The following DPF3 variants were observed in gnomAD, a reference collection of about 807,000 sequenced individuals.
DPF3 encodes zinc finger protein DPF3.
Under a neutral mutation model 56.8 loss-of-function variants are expected in DPF3, and 18 were observed. The ratio of observed to expected loss-of-function variants is 0.32; its 90% confidence interval spans 0.22 to 0.47. DPF3 has a LOEUF of 0.47. Among genes scored for constraint, DPF3 ranks in the 20% least tolerant of loss-of-function variants. The pLI, the probability that DPF3 is intolerant of heterozygous loss-of-function variation, is 1.00. For missense variants in DPF3, 403 were observed against 488.8 expected (o/e 0.82, Z 1.65); for synonymous variants, 188 against 180.2 (o/e 1.04, Z -0.35).
At chr14:72,725,141 T>C (rs7147626) in intron 4 of DPF3, among the ~76,000 whole-genome samples, 12,123 of 152,194 alleles carry the variant, frequency 0.08, 683 homozygotes, top group South Asian at 0.22. Context: ...TATCTAGTGC[T>C]GACTACGTGG....
Position 72,614,397 on chromosome 14 carries a change from A to G in DPF3, c.*4900T>C, listed in dbSNP as rs967897275. ...GGAGTAAGATTTCAAAACGGGCAAC[A>G]CACAGCAGGAAGAGGAGGAGCTCTG... On this transcript the variant is annotated 3_prime_UTR_variant, in exon 11 of 11. Transcript: ENST00000556509. 5.9e-5 allele frequency among the ~76,000 whole-genome samples: 9 copies of G among 152,214 alleles called. No individual in the cohort carries two copies. Among genetic ancestry groups the G allele is most frequent in the African/African-American group, 9.6e-5 (4 of 41,464 alleles).
At chr14:72,766,979 G>A (rs149362860) in intron 2 of DPF3, among the ~76,000 whole-genome samples, 213 of 152,312 alleles carry the variant, frequency 1.4e-3, no homozygotes, top group African/African-American at 5.0e-3. Context: ...TGTGGTATCA[G>A]TAGAGGCCCT....
intron 1 of DPF3, among the ~76,000 whole-genome samples, chr14:72,828,428 TTTGGGAGG>T (rs1302135758): frequency 6.7e-6 from 1 of 149,458 alleles, no homozygotes; most frequent in Non-Finnish European, 1.5e-5. Flanking sequence ...ATCTCAACAC[TTTGGGAGG>T]CCAAGGCAAG....
At chr14:72,752,015 T>C (rs1215387244) in intron 3 of DPF3, among the ~76,000 whole-genome samples, 3 of 152,182 alleles carry the variant, frequency 2.0e-5, no homozygotes, top group Non-Finnish European at 4.4e-5. Flanking sequence ...AACTTCTATT[T>C]AAGTGAAATA....
rs1883681297 is a variant in DPF3, at chr14:72,610,853, G to A, written c.*8444C>T. 6.6e-6 allele frequency among the ~76,000 whole-genome samples: 1 copy of A among 152,338 alleles called. No homozygotes were observed. The highest frequency in any genetic ancestry group is 6.5e-5 in the Admixed American group (1 of 15,304). ...AAGTGCTGCCAGTCTGGTGTGGAAA[G>A]GGTCCAAGTCAGAGGCCTTTGCCTC... On this transcript the variant is annotated 3_prime_UTR_variant, in exon 11 of 11. Coordinates refer to ENST00000556509, the MANE Select transcript of DPF3 (RefSeq NM_001280542.3).
At position 72,758,270 on chromosome 14, in the gene DPF3, C is replaced by A. The variant is rs181224444; in HGVS notation, c.194-4899G>T. Reference sequence around the variant, plus strand: ...CAACAGTTTTGAAGACAATGAACATCAGGCATTGAAGGACAGTGATCCCTG... The same window carrying A: ...CAACAGTTTTGAAGACAATGAACATAAGGCATTGAAGGACAGTGATCCCTG... On this transcript the variant is annotated intron_variant, in intron 2 of 10. Transcript: ENST00000556509. 2.0e-3 allele frequency among the ~76,000 whole-genome samples: 307 copies of A among 152,232 alleles called. 2 individuals are homozygous for A. Among genetic ancestry groups the A allele is most frequent in the Non-Finnish European group, 3.7e-3 (250 of 68,006 alleles).
intron 1 of DPF3, among the ~76,000 whole-genome samples, chr14:72,857,125 C>T (rs1279155450): frequency 1.3e-5 from 2 of 152,180 alleles, no homozygotes; most frequent in African/African-American, 4.8e-5. Context: ...GCCCTTTGCT[C>T]AGAGTTTCTA....
At chr14:72,637,988 A>G (rs2153567583) in intron 8 of DPF3, among the ~76,000 whole-genome samples, 1 of 152,294 alleles carries the variant, frequency 6.6e-6, no homozygotes, top group East Asian at 1.9e-4. Flanking sequence ...ACCCACCGCC[A>G]TGCAATAAGT....
At position 72,879,052 on chromosome 14, in the gene DPF3, G is replaced by A. The variant is rs138500290; in HGVS notation, c.32+15005C>T. 5.1e-3 allele frequency among the ~76,000 whole-genome samples: 782 copies of A among 152,326 alleles called. 5 individuals are homozygous for A. Among genetic ancestry groups the A allele is most frequent in the African/African-American group, 0.018 (747 of 41,580 alleles). On this transcript the variant is annotated intron_variant, in intron 1 of 10. Coordinates refer to ENST00000556509, the MANE Select transcript of DPF3 (RefSeq NM_001280542.3). The stretch of plus-strand genomic sequence containing the variant: ...TCGCTCACTCAACTATTCCCCACAC[G>A]TTTCCTACGTGCCTGCTAGGCTAGG...
intron 7 of DPF3, among the ~76,000 whole-genome samples, chr14:72,692,080 G>GA (rs1887713888): frequency 6.6e-6 from 1 of 152,222 alleles, no homozygotes; most frequent in Non-Finnish European, 1.5e-5. Flanking sequence ...AATCTTTGGT[G>GA]AAAGTGGCCA....
chr14:72,838,906 T>TATATATATATATATATATATATA (rs375598670), intron 1 of DPF3, among the ~76,000 whole-genome samples: 891 of 86,488 alleles, frequency 0.01, 87 homozygotes, highest in Middle Eastern at 0.016. Flanking sequence ...ATCATATATA[T>TATATATATATATATATATATATA]TCTTTTTTTT....
At chr14:72,649,662 G>GGGGC (rs1885843183) in intron 8 of DPF3, among the ~76,000 whole-genome samples, 1 of 136,194 alleles carries the variant, frequency 7.3e-6, no homozygotes, top group African/African-American at 2.7e-5. Context: ...TCCCTGGGTG[G>GGGGC]GGGGGGGGAT....
In DPF3 at chr14:72,864,477, G is replaced by A. The variant is rs983379547; in HGVS notation, c.32+29580C>T. On this transcript the variant is annotated intron_variant, in intron 1 of 10. Transcript: ENST00000556509. ...CTGCCATATCCCCAGCACCTACAGT[G>A]CTTGGCACTTAGTGAGAGCTCAATA... Among the ~76,000 whole-genome samples the A allele has an allele frequency of 5.3e-5, 8 of 152,348 alleles. 1 individual carries two copies. The highest frequency in any genetic ancestry group is 1.2e-4 in the African/African-American group (5 of 41,578).
rs1245093941 is a variant in DPF3, at chr14:72,614,445, A to C, written c.*4852T>G. Among the ~76,000 whole-genome samples the C allele has an allele frequency of 6.6e-6, 1 of 152,126 alleles. No homozygotes were observed. Among genetic ancestry groups the C allele is most frequent in the Non-Finnish European group, 1.5e-5 (1 of 68,022 alleles). ...CTGTCCACTTTGCAGAGGGGAGAGG[A>C]GCAGGATGGCCAGTCCCCCTCTTCC... is the stretch of plus-strand genomic sequence containing the variant. On this transcript the variant is annotated 3_prime_UTR_variant, in exon 11 of 11. Transcript: ENST00000556509.
chr14:72,747,460 A>G (rs1456881252), intron 3 of DPF3, among the ~76,000 whole-genome samples: 1 of 151,910 alleles, frequency 6.6e-6, no homozygotes, highest in Non-Finnish European at 1.5e-5. Context: ...CAGCCCCCTC[A>G]CTTACCCTAT....
intron 1 of DPF3, among the ~76,000 whole-genome samples, chr14:72,801,602 C>T (rs1332234383): frequency 6.6e-6 from 1 of 152,200 alleles, no homozygotes; most frequent in Admixed American, 6.5e-5. Context: ...GAAGTCATCA[C>T]AAAGTTCTGA....
chr14:72,751,617 G>T (rs1361485047), intron 3 of DPF3, among the ~76,000 whole-genome samples: 1 of 152,080 alleles, frequency 6.6e-6, no homozygotes, highest in East Asian at 1.9e-4. Flanking sequence ...AGAGATGTGG[G>T]GATGTGTAAA....
chr14:72,632,755 GGAGGGGAAGGGGAGAGAA>G (rs1256168833), intron 8 of DPF3, among the ~76,000 whole-genome samples: 1 of 140,174 alleles, frequency 7.1e-6, no homozygotes, highest in African/African-American at 2.7e-5. Context: ...AAGGATGGAG[GGAGGGGAAGGGGAGAGAA>G]GAGGGGAAGG....
Position 72,869,899 on chromosome 14 carries a change from G to C in DPF3, c.32+24158C>G, listed in dbSNP as rs957141431. Among the ~76,000 whole-genome samples the C allele has an allele frequency of 2.6e-5, 4 of 152,062 alleles. No individual in the cohort carries two copies. The South Asian group carries it at 6.2e-4, about 24-fold the overall frequency. On this transcript the variant is annotated intron_variant, in intron 1 of 10. Transcript: ENST00000556509. ...TTGCTTTTTTTTCCCTAGAGATGAT[G>C]GGGGGTAGGGTGAGCAGGAAGATTC...
Sources: allele counts gnomAD v4.1 joint callset (sites outside exome capture counted in the v4.1 genomes callset), GRCh38; gene constraint gnomAD v4.1.1; transcripts MANE v1.5; gene names NCBI Gene and HGNC (gene_info 2026-07-23, HGNC 2026-07-21).